The following ITGA8 variants were observed in gnomAD, a reference collection of about 807,000 sequenced individuals.
The protein encoded by ITGA8 is integrin alpha-8.
ITGA8 carries 91 observed loss-of-function variants against 142.3 expected under a neutral mutation model. The observed-to-expected ratio is 0.64, with a 90% CI of 0.54 to 0.76. The LOEUF (loss-of-function observed/expected upper bound fraction) is 0.76, where lower values mean the gene tolerates loss of function less well. ITGA8 is among the 30% of genes least tolerant of loss of function. The pLI is 0.00. For missense variants in ITGA8, 1,406 were observed against 1,327.7 expected (o/e 1.06, Z -0.92); for synonymous variants, 505 against 485.2 (o/e 1.04, Z -0.54).
rs1361285018 is a variant in ITGA8 at position 15,515,806 on chromosome 10, A to G, written c.*1352T>C. ...AATATTACAAGATTATGAATTATTT[A>G]CAAGAGTTTTAAACATAAAAAATTT... On this transcript the variant is annotated 3_prime_UTR_variant, in exon 30 of 30. Coordinates refer to ENST00000378076, the MANE Select transcript of ITGA8 (RefSeq NM_003638.3). 1 of 152,206 alleles carries G rather than the reference A, an allele frequency of 6.6e-6. No homozygotes were observed. The highest frequency in any genetic ancestry group is 1.5e-5 in the Non-Finnish European group (1 of 68,034). The allele number at this position is 152,206 out of a possible 1,614,324, so 9.4% of individuals were successfully genotyped here. A position where few individuals can be genotyped will look rare whatever the true frequency, so the allele number is the denominator to read the frequency against.
In ITGA8 at chr10:15,694,198, T is replaced by C. The variant is rs867851568; in HGVS notation, c.344-6160A>G. Reference sequence around the variant, plus strand: ...AGATAATATATCATATATATGATAATATATCATATATATGATAACATATCA... The same window carrying C: ...AGATAATATATCATATATATGATAACATATCATATATATGATAACATATCA... On this transcript the variant is annotated intron_variant, in intron 2 of 29. Transcript: ENST00000378076. Among the ~76,000 whole-genome samples the C allele has an allele frequency of 6.0e-4, 85 of 142,066 alleles. No individual in the cohort carries two copies. In the South Asian group the frequency reaches 6.4e-3, roughly 11 times the overall value. The allele number at this position is 142,066 out of a possible 152,430, so 93.2% of individuals were successfully genotyped here.
chr10:15,561,901 C>T (rs1833989650), intron 25 of ITGA8, among the ~76,000 whole-genome samples: 1 of 152,124 alleles, frequency 6.6e-6, no homozygotes, highest in African/African-American at 2.4e-5. Flanking sequence ...AGGAAACTTA[C>T]AATCATGGCA....
At chr10:15,532,993 C>T (rs1446153882) in intron 27 of ITGA8, among the ~76,000 whole-genome samples, 1 of 152,010 alleles carries the variant, frequency 6.6e-6, no homozygotes, top group African/African-American at 2.4e-5. Context: ...TATTCCGTGA[C>T]GATCATGGTG....
intron 13 of ITGA8, among the ~76,000 whole-genome samples, chr10:15,622,573 CAAACA>C (rs200554965): frequency 4.5e-5 from 3 of 65,936 alleles, no homozygotes; most frequent in East Asian, 4.6e-4. Flanking sequence ...ACTTTTATAG[CAAACA>C]AAACAAAACA....
At chr10:15,573,546 A>G (rs1346352495) in intron 24 of ITGA8, among the ~76,000 whole-genome samples, 1 of 152,116 alleles carries the variant, frequency 6.6e-6, no homozygotes, top group East Asian at 1.9e-4. Context: ...AATCTGGGCC[A>G]CAGGTTGGGC....
intron 8 of ITGA8, among the ~76,000 whole-genome samples, chr10:15,667,073 G>A (rs1834409355): frequency 1.3e-5 from 2 of 152,312 alleles, no homozygotes; most frequent in South Asian, 4.1e-4. Flanking sequence ...CTATTGATTG[G>A]AATAGTTTCA....
At chr10:15,575,847 AAAG>A (rs1355796890) in intron 23 of ITGA8, among the ~76,000 whole-genome samples, 1 of 152,188 alleles carries the variant, frequency 6.6e-6, no homozygotes, top group Admixed American at 6.5e-5. Context: ...CGTGGGCACT[AAAG>A]AAGAGAGTGG....
At chr10:15,704,826 T>G (rs1835228089) in intron 2 of ITGA8, among the ~76,000 whole-genome samples, 1 of 152,216 alleles carries the variant, frequency 6.6e-6, no homozygotes, top group South Asian at 2.1e-4. Context: ...AGGATTGGGT[T>G]TCACGATGAA....
chr10:15,666,948 A>G (rs1834406205), intron 8 of ITGA8, among the ~76,000 whole-genome samples: 1 of 152,154 alleles, frequency 6.6e-6, no homozygotes, highest in Non-Finnish European at 1.5e-5. Flanking sequence ...TTTTGCATCG[A>G]TGTTCATCAA....
At chr10:15,596,632 T>C (rs1833015803) in intron 21 of ITGA8, 1 of 152,680 alleles carries the variant, frequency 6.5e-6, no homozygotes, top group South Asian at 2.1e-4. Context: ...AGCAAAAATA[T>C]CATTCTAGCA....
chr10:15,560,988 C>G (rs571929174), intron 25 of ITGA8, among the ~76,000 whole-genome samples: 42 of 151,986 alleles, frequency 2.8e-4, no homozygotes, highest in South Asian at 2.5e-3. Flanking sequence ...CAGCTCATTA[C>G]AGCAGAGTGA....
chr10:15,535,245 C>T (rs943231908), intron 27 of ITGA8, among the ~76,000 whole-genome samples: 10 of 152,072 alleles, frequency 6.6e-5, no homozygotes, highest in South Asian at 2.1e-4. Context: ...CTGTGCAGCC[C>T]GAGCCTCCCT....
At chr10:15,579,641 G>A (rs912197398) in intron 23 of ITGA8, among the ~76,000 whole-genome samples, 3 of 152,038 alleles carry the variant, frequency 2.0e-5, no homozygotes, top group Admixed American at 6.5e-5. Flanking sequence ...TAATGCTTGT[G>A]TTTTTTTCTC....
chr10:15,633,701 C>T (rs748590388), intron 13 of ITGA8, among the ~76,000 whole-genome samples: 30 of 152,080 alleles, frequency 2.0e-4, no homozygotes, highest in Admixed American at 5.9e-4. Context: ...ATTACAGGCA[C>T]GAGCCACCAT....
chr10:15,595,264 T>A (rs946677588), intron 21 of ITGA8, among the ~76,000 whole-genome samples: 10 of 152,240 alleles, frequency 6.6e-5, no homozygotes, highest in African/African-American at 2.4e-4. Context: ...TGGCAATTTA[T>A]GTTGCTTTTA....
intron 28 of ITGA8, among the ~76,000 whole-genome samples, chr10:15,524,784 G>A (rs2131534809): frequency 6.6e-6 from 1 of 152,232 alleles, no homozygotes; most frequent in Admixed American, 6.5e-5. Flanking sequence ...CTAGTTTTGG[G>A]GAAAGCTTGG....
chr10:15,533,886 A>G (rs1833363303), intron 27 of ITGA8, among the ~76,000 whole-genome samples: 1 of 150,454 alleles, frequency 6.6e-6, no homozygotes, highest in East Asian at 1.9e-4. Flanking sequence ...TTGATTTCTC[A>G]TATTTTCCAT....
intron 2 of ITGA8, among the ~76,000 whole-genome samples, chr10:15,713,905 CA>C (rs1377941612): frequency 6.7e-6 from 1 of 149,222 alleles, no homozygotes; most frequent in African/African-American, 2.4e-5. Flanking sequence ...TATTTTTTAA[CA>C]CAGAGATACT....
rs1379163976 is a variant in ITGA8 at position 15,694,241 on chromosome 10, CATATATATGATAACAT to C, written c.344-6219_344-6204del. ...ACATATCATATATATGATAATATAT[CATATATATGATAACAT>C]ATACATCAGATAATATATCATACAT... On this transcript the variant is annotated intron_variant, in intron 2 of 29. Coordinates refer to ENST00000378076, the MANE Select transcript of ITGA8 (RefSeq NM_003638.3). Among the ~76,000 whole-genome samples, 999 of 127,550 alleles carry C rather than the reference CATATATATGATAACAT, an allele frequency of 7.8e-3. 17 individuals are homozygous for C. Among genetic ancestry groups the C allele is most frequent in the African/African-American group, 0.028 (933 of 33,882 alleles). The allele number at this position is 127,550 out of a possible 152,430, so 83.7% of individuals were successfully genotyped here.
Sources: gnomAD v4.1 joint callset for allele counts (sites outside exome capture counted in the v4.1 genomes callset) on GRCh38, gnomAD v4.1.1 for gene constraint, MANE v1.5 for transcripts, NCBI Gene and HGNC (gene_info 2026-07-23, HGNC 2026-07-21) for gene names.